SPAG16: variants seen among roughly 807,000 people sequenced by gnomAD.
The protein encoded by SPAG16 is sperm-associated antigen 16 protein.
Under a neutral mutation model 80.4 loss-of-function variants are expected in SPAG16, and 86 were observed. The observed-to-expected ratio is 1.07, with a 90% CI of 0.90 to 1.28. SPAG16 has a LOEUF of 1.28. SPAG16 is among the 50% of genes most tolerant of loss of function. The probability of loss-of-function intolerance (pLI) is 0.00; values close to 1 mark genes in which losing one functional copy is unlikely to be tolerated. For synonymous variants in SPAG16, 294 were observed against 265.9 expected (o/e 1.11, Z -1.03); for missense variants, 870 against 765.3 (o/e 1.14, Z -1.61).
chr2:213,454,628 G>A (rs931761841), intron 9 of SPAG16, among the ~76,000 whole-genome samples: 21 of 152,072 alleles, frequency 1.4e-4, no homozygotes, highest in African/African-American at 4.6e-4. Context: ...TTTGGTCACC[G>A]GGAAGAAAAT....
chr2:213,613,162 G>C (rs1181818521), intron 10 of SPAG16, among the ~76,000 whole-genome samples: 2 of 152,042 alleles, frequency 1.3e-5, no homozygotes, highest in African/African-American at 2.4e-5. Context: ...TTATTACAGT[G>C]ATCTCCAAAC....
intron 10 of SPAG16, among the ~76,000 whole-genome samples, chr2:213,726,348 C>T (rs1431717802): frequency 6.6e-6 from 1 of 152,182 alleles, no homozygotes; most frequent in Non-Finnish European, 1.5e-5. Context: ...TTGATTCCTA[C>T]CCTTCATTAG....
chr2:213,677,156 T>C (rs2064126785), intron 10 of SPAG16, among the ~76,000 whole-genome samples: 1 of 151,986 alleles, frequency 6.6e-6, no homozygotes, highest in Non-Finnish European at 1.5e-5. Flanking sequence ...CCAGCCGCTG[T>C]AAAATCATGC....
At chr2:213,791,605 GA>G (rs2070707623) in intron 10 of SPAG16, among the ~76,000 whole-genome samples, 1 of 152,094 alleles carries the variant, frequency 6.6e-6, no homozygotes, top group South Asian at 2.1e-4. Context: ...TTGAATGGGA[GA>G]AGAAATGTGT....
chr2:213,477,363 C>T (rs1285775976), intron 9 of SPAG16, among the ~76,000 whole-genome samples: 4 of 152,144 alleles, frequency 2.6e-5, no homozygotes, highest in African/African-American at 9.7e-5. Flanking sequence ...ATGGTAGATC[C>T]ACTGACAGCT....
intron 13 of SPAG16, among the ~76,000 whole-genome samples, chr2:214,053,905 T>C (rs2049795130): frequency 6.6e-6 from 1 of 152,208 alleles, no homozygotes; most frequent in African/African-American, 2.4e-5. Context: ...TCATTAATGA[T>C]AGATAAGAAT....
intron 10 of SPAG16, among the ~76,000 whole-genome samples, chr2:213,722,700 C>G (rs13004031): frequency 6.6e-4 from 101 of 152,144 alleles, no homozygotes; most frequent in Non-Finnish European, 1.2e-3. Flanking sequence ...AGATACAAGA[C>G]AGATATGACA....
At chr2:213,379,831 C>T (rs543255690) in intron 9 of SPAG16, among the ~76,000 whole-genome samples, 5 of 152,272 alleles carry the variant, frequency 3.3e-5, no homozygotes, top group East Asian at 3.9e-4. Flanking sequence ...TGGGCCCATG[C>T]GTAACCTCCA....
intron 10 of SPAG16, among the ~76,000 whole-genome samples, chr2:213,517,490 C>T (rs2075476796): frequency 6.6e-6 from 1 of 152,118 alleles, no homozygotes; most frequent in African/African-American, 2.4e-5. Flanking sequence ...AAAGAAGAGC[C>T]TGAATATTCA....
At chr2:213,903,858 A>C (rs1164170370) in intron 11 of SPAG16, among the ~76,000 whole-genome samples, 3 of 151,918 alleles carry the variant, frequency 2.0e-5, no homozygotes, top group Non-Finnish European at 4.4e-5. Flanking sequence ...TGCTCCATAT[A>C]CTCTAAATCA....
chr2:213,833,538 T>TATATATTATAA (rs1559506381), intron 10 of SPAG16, among the ~76,000 whole-genome samples: 64 of 380 alleles, frequency 0.17, 18 homozygotes, highest in Non-Finnish European at 0.32. Flanking sequence ...ATATTATATA[T>TATATATTATAA]AATATATATA....
chr2:213,757,192 A>G (rs1559442514), intron 10 of SPAG16, among the ~76,000 whole-genome samples: 1 of 152,216 alleles, frequency 6.6e-6, no homozygotes, highest in Non-Finnish European at 1.5e-5. Context: ...TCTGAAAACT[A>G]CAAACATTTC....
At chr2:214,058,847 A>C (rs994516851) in intron 13 of SPAG16, among the ~76,000 whole-genome samples, 1 of 152,094 alleles carries the variant, frequency 6.6e-6, no homozygotes, top group Admixed American at 6.6e-5. Context: ...TGAGATTCAA[A>C]AGGTGGATGA....
At chr2:213,610,983 A>G (rs1373114519) in intron 10 of SPAG16, among the ~76,000 whole-genome samples, 1 of 152,204 alleles carries the variant, frequency 6.6e-6, no homozygotes, top group Non-Finnish European at 1.5e-5. Context: ...AACCATAAAC[A>G]TCTAGAGGCC....
At chr2:214,108,091 G>T in intron 13 of SPAG16, 105 bp from the exon 14 acceptor site, 1 of 769,390 alleles carries the variant, frequency 1.3e-6, no homozygotes. Flanking sequence ...TATTAATTCT[G>T]GGAGGAGGGG....
At chr2:213,895,871 A>G (rs747047287) in intron 11 of SPAG16, among the ~76,000 whole-genome samples, 22 of 152,282 alleles carry the variant, frequency 1.4e-4, no homozygotes, top group Non-Finnish European at 3.1e-4. Flanking sequence ...GGTCTGGACA[A>G]AGATTTTGTG....
At chr2:213,836,884 G>C (rs777232188) in intron 10 of SPAG16, among the ~76,000 whole-genome samples, 4 of 152,114 alleles carry the variant, frequency 2.6e-5, no homozygotes, top group African/African-American at 4.8e-5. Flanking sequence ...AAAGTGTTGG[G>C]ATTACAGGCA....
chr2:214,359,669 A>C (rs1699049057), intron 15 of SPAG16, among the ~76,000 whole-genome samples: 2 of 151,832 alleles, frequency 1.3e-5, no homozygotes, highest in Non-Finnish European at 2.9e-5. Flanking sequence ...TGTAGGTTAA[A>C]TCTAAGAGGA....
At chr2:213,942,959 C>T (rs1478166179) in intron 12 of SPAG16, among the ~76,000 whole-genome samples, 1 of 152,026 alleles carries the variant, frequency 6.6e-6, no homozygotes, top group African/African-American at 2.4e-5. Flanking sequence ...GATTAGTGCC[C>T]TTATATAGGA....
Sources: allele counts gnomAD v4.1 joint callset (sites outside exome capture counted in the v4.1 genomes callset), GRCh38; gene constraint gnomAD v4.1.1; transcripts MANE v1.5; gene names NCBI Gene and HGNC (gene_info 2026-07-23, HGNC 2026-07-21).